The following MSI2 variants were observed in gnomAD, a reference collection of about 807,000 sequenced individuals.
MSI2 encodes the protein musashi RNA binding protein 2.
MSI2 carries 17 observed loss-of-function variants against 45.6 expected under a neutral mutation model. The observed-to-expected ratio is 0.37, with a 90% CI of 0.26 to 0.56. The LOEUF (loss-of-function observed/expected upper bound fraction) is 0.56. MSI2 is among the 20% of genes least tolerant of loss of function. The pLI is 0.77. For missense variants in MSI2, 293 were observed against 444.2 expected (o/e 0.66, Z 3.06); for synonymous variants, 156 against 158.2 (o/e 0.99, Z 0.11).
At chr17:57,415,214 G>A (rs1433528543) in intron 6 of MSI2, among the ~76,000 whole-genome samples, 4 of 152,138 alleles carry the variant, frequency 2.6e-5, no homozygotes, top group Non-Finnish European at 5.9e-5. Context: ...CAGCCAGGGT[G>A]GGGAATGAAA....
intron 7 of MSI2, among the ~76,000 whole-genome samples, chr17:57,560,132 G>A (rs2087536891): frequency 6.6e-6 from 1 of 152,242 alleles, no homozygotes; most frequent in Admixed American, 6.5e-5. Flanking sequence ...TTGCTGTTTG[G>A]TATCTCTCGT....
chr17:57,591,551 C>T (rs1890188863), intron 7 of MSI2, among the ~76,000 whole-genome samples: 1 of 151,456 alleles, frequency 6.6e-6, no homozygotes, highest in African/African-American at 2.4e-5. Flanking sequence ...TGGTGAAACC[C>T]CATCTCTACA....
intron 11 of MSI2, among the ~76,000 whole-genome samples, chr17:57,673,172 TCA>T (rs1275935803): frequency 6.6e-6 from 1 of 152,222 alleles, no homozygotes; most frequent in African/African-American, 2.4e-5. Context: ...TGTCTCTGTC[TCA>T]GTCTCCTGCT....
rs78709576 is a variant in MSI2 at position 57,456,018 on chromosome 17, C to T, written c.405+54547C>T. 8.2e-3 allele frequency among the ~76,000 whole-genome samples: 1,248 copies of T among 152,260 alleles called. 14 individuals carry two copies. Among genetic ancestry groups the T allele is most frequent in the African/African-American group, 0.028 (1,144 of 41,530 alleles). On this transcript the variant is annotated intron_variant, in intron 6 of 13. Transcript: ENST00000284073. ...CCTTGTCACTGCATGTGAAGATAGA[C>T]CAGACGCCCCGCAGAGACAGCCCTC...
chr17:57,305,474 C>G (rs982961838), intron 5 of MSI2, among the ~76,000 whole-genome samples: 7 of 152,214 alleles, frequency 4.6e-5, no homozygotes, highest in Non-Finnish European at 1.0e-4. Context: ...AGAATCTGCT[C>G]TGCGCCAGCA....
chr17:57,489,897 T>C (rs2085835233), intron 6 of MSI2, among the ~76,000 whole-genome samples: 1 of 152,196 alleles, frequency 6.6e-6, no homozygotes. Context: ...TGCAAACTCA[T>C]GTTTTTATTA....
In MSI2 at chr17:57,627,625, C is replaced by G; in HGVS notation, c.727+322C>G. 4 of 404,748 alleles carry G rather than the reference C, an allele frequency of 9.9e-6. No homozygotes were observed. Among genetic ancestry groups the G allele is most frequent in the South Asian group, 2.9e-5 (1 of 34,436 alleles). 25.1% of individuals were successfully genotyped at this position (404,748 alleles called of 1,614,324 possible). The stretch of plus-strand genomic sequence containing the variant: ...GGGTTTTTTCTCACTGGGGACTGAA[C>G]TCTAGGCCCAGGGCTTTCTTTCACC... On this transcript the variant is annotated intron_variant, in intron 10 of 13. Coordinates refer to ENST00000284073, the MANE Select transcript of MSI2 (RefSeq NM_138962.4). This position sits in a 1 kb window ranked among gnomAD's most constrained non-coding sequence, Gnocchi z 4.6.
chr17:57,683,274 G>T lies in MSI2; in HGVS notation c.*3757G>T. The T allele has an allele frequency of 8.7e-6, 2 of 230,970 alleles. No homozygotes were observed. The highest frequency in any genetic ancestry group is 1.7e-5 in the Non-Finnish European group (2 of 116,666). The allele number at this position is 230,970 out of a possible 1,614,324, so 14.3% of individuals were successfully genotyped here. A position where few individuals can be genotyped will look rare whatever the true frequency, so the allele number is the denominator to read the frequency against. The stretch of plus-strand genomic sequence containing the variant: ...AATTGTTGGTTCTAATGACCTGAAA[G>T]GTGTTCAGTTTTTGTTCTTGGTTTT... On this transcript the variant is annotated 3_prime_UTR_variant, in exon 14 of 14. Coordinates refer to ENST00000284073, the MANE Select transcript of MSI2 (RefSeq NM_138962.4). The surrounding 1 kb of genome is among the most constrained non-coding windows in gnomAD (Gnocchi z 5.2).
At chr17:57,258,394 G>A in intron 4 of MSI2, 40 bp downstream of exon 4, 1 of 1,520,438 alleles carries the variant, frequency 6.6e-7, no homozygotes, top group Non-Finnish European at 9.1e-7. Context: ...CCCTTTTCAG[G>A]AACGATCTGG....
chr17:57,401,564 G>A, intron 6 of MSI2, 93 bp downstream of exon 6: 1 of 923,428 alleles, frequency 1.1e-6, no homozygotes, highest in East Asian at 2.4e-5. Context: ...TGCTACAGCT[G>A]TGTCCTCAAG....
intron 11 of MSI2, among the ~76,000 whole-genome samples, chr17:57,661,047 C>T (rs544388625): frequency 4.6e-5 from 7 of 152,304 alleles, no homozygotes; most frequent in African/African-American, 1.2e-4. Context: ...ACAGATAATT[C>T]GTGTACATTG....
chr17:57,564,308 A>G (rs760325751), intron 7 of MSI2, among the ~76,000 whole-genome samples: 1 of 152,336 alleles, frequency 6.6e-6, no homozygotes, highest in Middle Eastern at 3.4e-3. Flanking sequence ...CCTAGGAGCC[A>G]GTTAACAATG....
chr17:57,422,192 T>G (rs1324307894), intron 6 of MSI2, among the ~76,000 whole-genome samples: 1 of 152,194 alleles, frequency 6.6e-6, no homozygotes, highest in East Asian at 1.9e-4. Flanking sequence ...CCAGGTGCGG[T>G]GGCTCACGCC....
intron 9 of MSI2, chr17:57,626,676 G>A (rs1908838331): frequency 6.4e-6 from 1 of 155,118 alleles, no homozygotes; most frequent in African/African-American, 2.4e-5. Context: ...ATTCTCCAAA[G>A]ATCTTGGCAC....
At chr17:57,348,214 G>C (rs577631111) in intron 5 of MSI2, among the ~76,000 whole-genome samples, 1 of 152,308 alleles carries the variant, frequency 6.6e-6, no homozygotes, top group East Asian at 1.9e-4. Flanking sequence ...GTAGTCCAAG[G>C]AGTATGAGGG....
intron 6 of MSI2, among the ~76,000 whole-genome samples, chr17:57,526,782 T>C (rs2144043904): frequency 6.6e-6 from 1 of 152,300 alleles, no homozygotes; most frequent in East Asian, 1.9e-4. Flanking sequence ...TAGCTCCTTC[T>C]TAGATGTTGT....
chr17:57,490,201 A>G (rs986969982), intron 6 of MSI2, among the ~76,000 whole-genome samples: 4 of 152,174 alleles, frequency 2.6e-5, no homozygotes, highest in Non-Finnish European at 5.9e-5. Context: ...TGGATGTATG[A>G]TGCCTGCCAC....
chr17:57,429,883 G>A (rs1443356843), intron 6 of MSI2, among the ~76,000 whole-genome samples: 1 of 152,326 alleles, frequency 6.6e-6, no homozygotes, highest in Admixed American at 6.5e-5. Context: ...GTGGACACTG[G>A]GAGCAGGCAG....
chr17:57,348,488 G>T (rs2045497290), intron 5 of MSI2, among the ~76,000 whole-genome samples: 1 of 152,182 alleles, frequency 6.6e-6, no homozygotes, highest in South Asian at 2.1e-4. Context: ...GAATGACTTA[G>T]TGTCATCCCC....
Sources: allele counts gnomAD v4.1 joint callset (sites outside exome capture counted in the v4.1 genomes callset), GRCh38; gene constraint gnomAD v4.1.1; non-coding constraint Gnocchi (gnomAD v3.1); transcripts MANE v1.5; gene names NCBI Gene and HGNC (gene_info 2026-07-23, HGNC 2026-07-21).